PDE4D: variants seen among roughly 807,000 people sequenced by gnomAD.
PDE4D encodes the protein 3',5'-cyclic-AMP phosphodiesterase 4D.
PDE4D carries 24 observed loss-of-function variants against 87.4 expected under a neutral mutation model. The ratio of observed to expected loss-of-function variants is 0.27; its 90% CI spans 0.20 to 0.39. The LOEUF is 0.39. Among genes scored for constraint, PDE4D ranks in the 10% least tolerant of loss-of-function variants. PDE4D has a pLI of 1.00. For missense variants in PDE4D, 714 were observed against 1,041.0 expected (o/e 0.69, Z 4.32); for synonymous variants, 384 against 383.2 (o/e 1.00, Z -0.02).
chr5:59,625,097 A>G (rs1830744025), intron 1 of PDE4D, among the ~76,000 whole-genome samples: 1 of 152,200 alleles, frequency 6.6e-6, no homozygotes, highest in Non-Finnish European at 1.5e-5. Flanking sequence ...CCTTAAGATA[A>G]GATTATCAGG....
intron 2 of PDE4D, among the ~76,000 whole-genome samples, chr5:60,132,837 A>G (rs760939315): frequency 1.3e-5 from 2 of 152,128 alleles, no homozygotes; most frequent in Admixed American, 6.6e-5. Context: ...AGCCTGGGCA[A>G]TAGAGCGAGA....
At chr5:59,055,803 A>G (rs2153407665) in intron 5 of PDE4D, among the ~76,000 whole-genome samples, 1 of 152,310 alleles carries the variant, frequency 6.6e-6, no homozygotes, top group African/African-American at 2.4e-5. Flanking sequence ...TTATGACGTG[A>G]TTCATCTTTG....
At chr5:59,497,775 C>T (rs1807493444) in intron 1 of PDE4D, among the ~76,000 whole-genome samples, 1 of 152,012 alleles carries the variant, frequency 6.6e-6, no homozygotes, top group South Asian at 2.1e-4. Context: ...GGGAAATTTC[C>T]TCAATCTTGC....
chr5:59,667,977 CCT>C (rs920431429), intron 1 of PDE4D, among the ~76,000 whole-genome samples: 3 of 152,174 alleles, frequency 2.0e-5, no homozygotes, highest in Non-Finnish European at 4.4e-5. Context: ...AGTATTCTTT[CCT>C]CTGTCTTCAA....
intron 1 of PDE4D, among the ~76,000 whole-genome samples, chr5:59,548,543 C>T (rs915533833): frequency 2.6e-5 from 4 of 152,078 alleles, no homozygotes; most frequent in African/African-American, 9.7e-5. Flanking sequence ...GGGATGGAGT[C>T]AACCCTTAAT....
intron 5 of PDE4D, among the ~76,000 whole-genome samples, chr5:59,153,759 T>TC (rs1166327950): frequency 6.7e-6 from 1 of 149,126 alleles, no homozygotes; most frequent in Non-Finnish European, 1.5e-5. Context: ...AGGGTTTTTT[T>TC]TTTTGTTGTT....
intron 5 of PDE4D, among the ~76,000 whole-genome samples, chr5:59,043,136 GA>G (rs1759972995): frequency 6.6e-6 from 1 of 152,100 alleles, no homozygotes; most frequent in Non-Finnish European, 1.5e-5. Context: ...TTCCTAGATA[GA>G]CCTATTGGTA....
At chr5:59,875,335 C>T (rs1378112101) in intron 1 of PDE4D, among the ~76,000 whole-genome samples, 3 of 151,788 alleles carry the variant, frequency 2.0e-5, no homozygotes, top group African/African-American at 7.3e-5. Flanking sequence ...ATGGCACTCG[C>T]CTGTAGTCCC....
intron 1 of PDE4D, chr5:59,275,514 T>C: frequency 6.8e-7 from 1 of 1,474,722 alleles, no homozygotes; most frequent in Non-Finnish European, 8.9e-7. Flanking sequence ...GGGAGGCTGC[T>C]TGAAGAAATC....
At chr5:59,675,127 A>G (rs894182830) in intron 1 of PDE4D, among the ~76,000 whole-genome samples, 2 of 152,222 alleles carry the variant, frequency 1.3e-5, no homozygotes, top group African/African-American at 4.8e-5. Flanking sequence ...ATTTCACTGT[A>G]GAGAAAATTT....
intron 1 of PDE4D, among the ~76,000 whole-genome samples, chr5:60,322,367 T>TATACAC (rs1314745373): frequency 4.5e-5 from 6 of 132,724 alleles, no homozygotes; most frequent in Non-Finnish European, 8.2e-5. Flanking sequence ...TGGACACACA[T>TATACAC]ACACACACAC....
intron 2 of PDE4D, among the ~76,000 whole-genome samples, chr5:59,997,284 T>C (rs901698797): frequency 5.9e-5 from 9 of 152,262 alleles, no homozygotes; most frequent in Middle Eastern, 3.4e-3. Context: ...TTTTAGCAGC[T>C]AAAAATTATG....
intron 2 of PDE4D, among the ~76,000 whole-genome samples, chr5:60,144,685 C>T (rs1332855442): frequency 2.0e-5 from 3 of 152,208 alleles, no homozygotes; most frequent in Non-Finnish European, 4.4e-5. Context: ...ACCATACCAA[C>T]TTAAATAATC....
rs75203059 is a variant in PDE4D at position 60,082,562 on chromosome 5, G to A, written c.43-93845C>T. Among the ~76,000 whole-genome samples the A allele has an allele frequency of 5.0e-4, 76 of 152,214 alleles. 1 individual carries two copies. The East Asian group carries it at 0.014, about 29-fold the overall frequency. On this transcript the variant is annotated intron_variant, in intron 2 of 16. Transcript: ENST00000502484. ...TACTGAATGACTACTCTAGTGCAGA[G>A]GTGATCTGATCCATTACATACTTTA...
Position 59,873,101 on chromosome 5 carries a change from A to G in PDE4D, c.455+20067T>C, listed in dbSNP as rs1490698737. On this transcript the variant is annotated intron_variant, in intron 1 of 14. Transcript: ENST00000340635. ...ATTTCTTGTCCCTCCTCATGTATAC[A>G]AAACAGTGTTTGGAGAAAAGAAATA... is the stretch of plus-strand genomic sequence containing the variant. 5.3e-5 allele frequency among the ~76,000 whole-genome samples: 8 copies of G among 152,218 alleles called. No homozygotes were observed. In the East Asian group the frequency reaches 1.5e-3, roughly 29 times the overall value.
chr5:59,588,110 G>A (rs1241515780), intron 1 of PDE4D, among the ~76,000 whole-genome samples: 1 of 152,140 alleles, frequency 6.6e-6, no homozygotes, highest in Non-Finnish European at 1.5e-5. Flanking sequence ...AGCCGGTTCT[G>A]CAGAAGTCAG....
intron 1 of PDE4D, among the ~76,000 whole-genome samples, chr5:59,812,923 C>T (rs1233249912): frequency 2.0e-5 from 3 of 152,152 alleles, no homozygotes; most frequent in East Asian, 3.9e-4. Context: ...GGAACCGTTC[C>T]CCAAATTTTG....
chr5:60,373,125 G>A (rs140263101), intron 1 of PDE4D, among the ~76,000 whole-genome samples: 1 of 152,318 alleles, frequency 6.6e-6, no homozygotes, highest in African/African-American at 2.4e-5. Flanking sequence ...TAGATTAGCT[G>A]TCTCAGACTG....
chr5:59,490,921 G>A (rs921758981), intron 1 of PDE4D, among the ~76,000 whole-genome samples: 9 of 152,238 alleles, frequency 5.9e-5, no homozygotes, highest in Middle Eastern at 3.4e-3. Context: ...CATAGTGGAG[G>A]GAAAGAACAT....
Sources: allele counts gnomAD v4.1 joint callset (sites outside exome capture counted in the v4.1 genomes callset), GRCh38; gene constraint gnomAD v4.1.1; transcripts MANE v1.5; gene names NCBI Gene and HGNC (gene_info 2026-07-23, HGNC 2026-07-21).